The following DLGAP1 variants were observed in gnomAD, a reference collection of about 807,000 sequenced individuals.
The protein encoded by DLGAP1 is disks large-associated protein 1.
In DLGAP1, 11 loss-of-function variants were observed where a neutral mutation model predicts 90.8. That is an observed-to-expected ratio of 0.12 (90% CI 0.08 to 0.20). The LOEUF is 0.20. DLGAP1 is among the 10% of genes least tolerant of loss of function. The pLI, the probability that DLGAP1 is intolerant of heterozygous loss-of-function variation, is 1.00. For synonymous variants in DLGAP1, 558 were observed against 540.7 expected, an observed-to-expected ratio of 1.03 and a Z score of -0.44; for missense variants, 1,050 against 1,333.8, an observed-to-expected ratio of 0.79 and a Z score of 3.31.
At chr18:4,050,986 T>C (rs2075126175) in intron 2 of DLGAP1, among the ~76,000 whole-genome samples, 2 of 152,328 alleles carry the variant, frequency 1.3e-5, no homozygotes, top group South Asian at 4.1e-4. Flanking sequence ...CATATTTAAC[T>C]AGGGTCATCA....
chr18:3,680,515 T>C (rs1313591637), intron 7 of DLGAP1, among the ~76,000 whole-genome samples: 2 of 152,134 alleles, frequency 1.3e-5, no homozygotes, highest in Non-Finnish European at 2.9e-5. Context: ...AGGCCGGGCG[T>C]GCTGGCTCAC....
chr18:3,846,043 G>GGT (rs35460885), intron 4 of DLGAP1, among the ~76,000 whole-genome samples: 10,943 of 145,034 alleles, frequency 0.075, 970 homozygotes, highest in African/African-American at 0.21. Flanking sequence ...TTGAAAGTGT[G>GGT]GTGTGTGTGT....
intron 7 of DLGAP1, among the ~76,000 whole-genome samples, chr18:3,673,731 A>T (rs1235959100): frequency 6.6e-6 from 1 of 150,912 alleles, no homozygotes; most frequent in African/African-American, 2.4e-5. Context: ...TTTTTAGTAG[A>T]GACGGGGTTT....
intron 7 of DLGAP1, among the ~76,000 whole-genome samples, chr18:3,613,852 A>G (rs2057737074): frequency 6.6e-6 from 1 of 152,220 alleles, no homozygotes; most frequent in South Asian, 2.1e-4. Context: ...AATATGTAAA[A>G]GCCCTTTGTA....
intron 4 of DLGAP1, 128 bp downstream of exon 4, chr18:3,878,984 G>A (rs1035841143): frequency 9.2e-6 from 7 of 756,972 alleles, no homozygotes; most frequent in African/African-American, 1.8e-5. Context: ...CAGAGATGCC[G>A]AATAATTTGC....
At chr18:3,601,032 AT>A (rs1203232185) in intron 7 of DLGAP1, among the ~76,000 whole-genome samples, 13 of 146,628 alleles carry the variant, frequency 8.9e-5, no homozygotes, top group African/African-American at 3.2e-4. Flanking sequence ...ATATATAGAT[AT>A]AGAGATAAAG....
At chr18:3,902,201 G>T (rs2071799746) in intron 3 of DLGAP1, among the ~76,000 whole-genome samples, 2 of 152,240 alleles carry the variant, frequency 1.3e-5, no homozygotes, top group Admixed American at 6.5e-5. Context: ...TCCCTCTTAA[G>T]CAGGCTTCAG....
At chr18:4,361,956 C>T (rs79847342) in intron 1 of DLGAP1, among the ~76,000 whole-genome samples, 5,248 of 152,174 alleles carry the variant, frequency 0.034, 149 homozygotes, top group African/African-American at 0.076. Flanking sequence ...GGAAGATATA[C>T]GCATGGCCAA....
chr18:3,723,384 A>G (rs554574599), intron 7 of DLGAP1, among the ~76,000 whole-genome samples: 148 of 152,136 alleles, frequency 9.7e-4, no homozygotes, highest in Non-Finnish European at 1.9e-3. Context: ...TAGCAATGCT[A>G]TTTTCCCTAG....
At chr18:4,011,469 C>T (rs2074420093) in intron 2 of DLGAP1, among the ~76,000 whole-genome samples, 1 of 151,960 alleles carries the variant, frequency 6.6e-6, no homozygotes, top group Non-Finnish European at 1.5e-5. Context: ...AATGAAATAA[C>T]CAATAGTTTG....
At chr18:3,834,412 T>C (rs541135945) in intron 4 of DLGAP1, among the ~76,000 whole-genome samples, 2 of 152,136 alleles carry the variant, frequency 1.3e-5, no homozygotes, top group South Asian at 2.1e-4. Flanking sequence ...CCAATATGTA[T>C]TGCTAATATA....
chr18:4,321,837 G>T (rs950606705), intron 1 of DLGAP1, among the ~76,000 whole-genome samples: 1 of 152,098 alleles, frequency 6.6e-6, no homozygotes, highest in African/African-American at 2.4e-5. Flanking sequence ...TTTTCTTTTT[G>T]CATGAGGCCA....
intron 10 of DLGAP1, among the ~76,000 whole-genome samples, chr18:3,514,322 A>T (rs750038292): frequency 1.7e-4 from 26 of 152,130 alleles, no homozygotes; most frequent in Non-Finnish European, 3.1e-4. Flanking sequence ...CTCCACGATC[A>T]TCAGACCTTA....
intron 1 of DLGAP1, among the ~76,000 whole-genome samples, chr18:4,431,461 T>C (rs760470994): frequency 6.6e-5 from 10 of 152,154 alleles, no homozygotes; most frequent in Non-Finnish European, 1.5e-4. Context: ...GAAATGAAAA[T>C]ATCCTGCAGA....
chr18:3,869,047 G>A (rs1254024061), intron 4 of DLGAP1, among the ~76,000 whole-genome samples: 1 of 151,996 alleles, frequency 6.6e-6, no homozygotes, highest in Non-Finnish European at 1.5e-5. Context: ...TCCTATGACT[G>A]TTATTACTAA....
chr18:4,038,876 C>T (rs2074930965), intron 2 of DLGAP1, among the ~76,000 whole-genome samples: 2 of 151,996 alleles, frequency 1.3e-5, no homozygotes, highest in South Asian at 4.1e-4. Flanking sequence ...AAACTTGGTG[C>T]CTTAAAACCT....
At chr18:3,668,708 G>C (rs1012854375) in intron 7 of DLGAP1, among the ~76,000 whole-genome samples, 1 of 152,138 alleles carries the variant, frequency 6.6e-6, no homozygotes, top group African/African-American at 2.4e-5. Flanking sequence ...ATGAGAAATA[G>C]AATGCTTGGC....
intron 7 of DLGAP1, among the ~76,000 whole-genome samples, chr18:3,627,908 C>T (rs1474662016): frequency 9.1e-5 from 12 of 131,300 alleles, no homozygotes; most frequent in Non-Finnish European, 1.2e-4. Context: ...GATGGAGTCT[C>T]GCTCTGTTGT....
intron 1 of DLGAP1, among the ~76,000 whole-genome samples, chr18:4,279,526 G>A (rs1247315755): frequency 1.3e-5 from 2 of 152,300 alleles, no homozygotes; most frequent in East Asian, 1.9e-4. Context: ...TGGTGGGGAA[G>A]TGCCTGATGT....
Sources: allele counts gnomAD v4.1 joint callset (sites outside exome capture counted in the v4.1 genomes callset), GRCh38; gene constraint gnomAD v4.1.1; transcripts MANE v1.5; gene names NCBI Gene and HGNC (gene_info 2026-07-23, HGNC 2026-07-21).